Variants in FEZ1 observed in about 807,000 individuals in gnomAD.
FEZ1 encodes fasciculation and elongation protein zeta 1.
Under a neutral mutation model 49.3 loss-of-function variants are expected in FEZ1, and 20 were observed. The ratio of observed to expected loss-of-function variants is 0.41; its 90% CI spans 0.29 to 0.59. The LOEUF (loss-of-function observed/expected upper bound fraction) is 0.59. FEZ1 is among the 20% of genes least tolerant of loss of function. FEZ1 has a pLI of 0.36. For synonymous variants in FEZ1, 170 were observed against 180.9 expected (o/e 0.94, Z 0.48); for missense variants, 413 against 476.0 (o/e 0.87, Z 1.23).
intron 5 of FEZ1, among the ~76,000 whole-genome samples, chr11:125,458,523 T>C (rs1394619385): frequency 2.6e-5 from 4 of 152,138 alleles, no homozygotes; most frequent in Admixed American, 6.5e-5. Flanking sequence ...TAAGCACAAA[T>C]ACAAATTTTA....
chr11:125,481,585 G>T lies in FEZ1; in HGVS notation c.360C>A (p.Asp120Glu). The change falls in exon 3 of 10, where the codon GAC (aspartate) becomes GAA (glutamate). Residue 120 changes from aspartate (D) to glutamate (E), a missense_variant. Coordinates refer to ENST00000278919, the MANE Select transcript of FEZ1 (RefSeq NM_005103.5). ...GAGCCTCGATGTTTGGATCCCTCCA[G>T]TCTTCTGAGAGTGAAGGGATGTAAT... ...TDNYIPSLSE[D>E]WRDPNIEALN... is the part of the protein sequence containing the mutation. The T allele has an allele frequency of 6.2e-7, 1 of 1,613,378 alleles. No homozygotes were observed. Among genetic ancestry groups the T allele is most frequent in the South Asian group, 1.1e-5 (1 of 91,060 alleles).
At chr11:125,451,882 C>G (rs1196952032) in intron 8 of FEZ1, among the ~76,000 whole-genome samples, 2 of 152,208 alleles carry the variant, frequency 1.3e-5, no homozygotes, top group Non-Finnish European at 2.9e-5. Flanking sequence ...AGCCTTACCC[C>G]ACCCAAGAAA....
rs751242041 is a variant in FEZ1, at chr11:125,455,970, G to A, written c.804C>T (p.Asn268=). 1 of 1,613,530 alleles carries A rather than the reference G, an allele frequency of 6.2e-7. No homozygotes were observed. The highest frequency in any genetic ancestry group is 1.1e-5 in the South Asian group (1 of 91,022). The part of the protein sequence containing the change: ...DELEFEKEVK[N]SFITVLIEVQ... ...CCTCAATAAGCACCGTGATAAAGGAGTTCTTCACTTCCTTCTCAAACTCCA... is the reference window on the plus strand; with the variant it reads ...CCTCAATAAGCACCGTGATAAAGGAATTCTTCACTTCCTTCTCAAACTCCA... Residue 268 remains asparagine, a synonymous_variant, in exon 6 of 10, where the codon AAC becomes AAT. Transcript: ENST00000278919.
Position 125,442,897 on chromosome 11 carries a change from G to A in FEZ1, c.*3198C>T, listed in dbSNP as rs1333942200. On this transcript the variant is annotated 3_prime_UTR_variant, in exon 10 of 10. Transcript: ENST00000278919. ...ACTACAGGCGTGCACCACTACAGCT[G>A]GCTAATTTTTGTATTTTCAGTAGAG... Among the ~76,000 whole-genome samples, 2 of 151,912 alleles carry A rather than the reference G, an allele frequency of 1.3e-5. No homozygotes were observed. Among genetic ancestry groups the A allele is most frequent in the Non-Finnish European group, 2.9e-5 (2 of 67,976 alleles).
At chr11:125,455,766 G>T in intron 6 of FEZ1, 69 bp downstream of exon 6, 4 of 1,500,772 alleles carry the variant, frequency 2.7e-6, no homozygotes, top group Non-Finnish European at 3.7e-6. Flanking sequence ...CTGCAGGGTT[G>T]GTAGGGCACT....
intron 3 of FEZ1, among the ~76,000 whole-genome samples, chr11:125,476,997 G>C (rs1450073423): frequency 6.6e-6 from 1 of 152,068 alleles, no homozygotes; most frequent in Non-Finnish European, 1.5e-5. Flanking sequence ...CTGTGCAGCT[G>C]ATCTAGCGAA....
At chr11:125,461,578 G>T (rs12291904) in intron 4 of FEZ1, among the ~76,000 whole-genome samples, 1,702 of 152,286 alleles carry the variant, frequency 0.011, 29 homozygotes, top group African/African-American at 0.03. Context: ...CTGGACTCCA[G>T]CCTGGGCAAT....
At chr11:125,484,191 T>TA (rs1426152653) in intron 2 of FEZ1, among the ~76,000 whole-genome samples, 2 of 152,230 alleles carry the variant, frequency 1.3e-5, no homozygotes, top group Non-Finnish European at 2.9e-5. Context: ...GCTGAGCACT[T>TA]ACTATGAGCC....
Position 125,456,000 on chromosome 11 carries a change from G to A in FEZ1, c.774C>T (p.Asp258=), listed in dbSNP as rs756025764. 8.5e-5 allele frequency: 137 copies of A among 1,613,166 alleles called. No homozygotes were observed. The highest frequency in any genetic ancestry group is 1.6e-4 in the Middle Eastern group (1 of 6,082). The change falls in exon 6 of 10, where the codon GAC becomes GAT. Residue 258 remains aspartate, a synonymous_variant. Coordinates refer to ENST00000278919, the MANE Select transcript of FEZ1 (RefSeq NM_005103.5). ...TCACTTCCTTCTCAAACTCCAGCTC[G>A]TCCCGGCGGGCCAGCTGCTGCACCA... ...EELVQQLARR[D]ELEFEKEVKN...
intron 3 of FEZ1, among the ~76,000 whole-genome samples, chr11:125,473,765 G>T (rs1957202937): frequency 6.7e-6 from 1 of 148,498 alleles, no homozygotes; most frequent in South Asian, 2.1e-4. Context: ...GCTGCAGTGA[G>T]CCAATATTGA....
At chr11:125,450,603 C>A (rs766393061) in intron 8 of FEZ1, among the ~76,000 whole-genome samples, 2 of 151,858 alleles carry the variant, frequency 1.3e-5, no homozygotes, top group African/African-American at 4.8e-5. Flanking sequence ...TGAGGATCTG[C>A]CAAAAAAGAG....
At position 125,493,425 on chromosome 11, in the gene FEZ1, GGAAAGAAGGAA is replaced by G. The variant is rs1565307000; in HGVS notation, c.-46+2685_-46+2695del. 6.8e-4 allele frequency among the ~76,000 whole-genome samples: 24 copies of G among 35,112 alleles called. 1 individual carries two copies. The highest frequency in any genetic ancestry group is 3.6e-3 in the African/African-American group (23 of 6,356). The allele number at this position is 35,112 out of a possible 152,430, so 23.0% of individuals were successfully genotyped here. A position where few individuals can be genotyped will look rare whatever the true frequency, so the allele number is the denominator to read the frequency against. On this transcript the variant is annotated intron_variant, in intron 1 of 9. Transcript: ENST00000278919. ...AAGAAAGAAAGAAAGAAAGAAAGAA[GGAAAGAAGGAA>G]AGAAGGAAAGAAGGAAAGAAGGAAA...
At chr11:125,460,815 A>G in intron 4 of FEZ1, 149 bp from the exon 5 acceptor site, 1 of 619,186 alleles carries the variant, frequency 1.6e-6, no homozygotes, top group African/African-American at 1.8e-5. Context: ...AATAATAAAA[A>G]TAGTTCCAAC....
chr11:125,448,401 G>T, intron 9 of FEZ1, 101 bp downstream of exon 9: 1 of 753,180 alleles, frequency 1.3e-6, no homozygotes, highest in East Asian at 2.5e-5. Context: ...CCTGGCCCCT[G>T]CCTGGTCTGG....
rs1193858732 is a variant in FEZ1 at position 125,460,675 on chromosome 11, G to A, written c.499-9C>T. ...TCAATCTCCTCAATTACCTGAAGAAGGTACACGAGAGAGTGCTAACTCTGT... is the reference window on the plus strand; with the variant it reads ...TCAATCTCCTCAATTACCTGAAGAAAGTACACGAGAGAGTGCTAACTCTGT... On this transcript the variant is annotated splice_polypyrimidine_tract_variant and intron_variant, in intron 4 of 9. Coordinates refer to ENST00000278919, the MANE Select transcript of FEZ1 (RefSeq NM_005103.5). 6.2e-7 allele frequency: 1 copy of A among 1,612,564 alleles called. No homozygotes were observed. The highest frequency in any genetic ancestry group is 1.7e-5 in the Admixed American group (1 of 60,014).
At position 125,444,503 on chromosome 11, in the gene FEZ1, T is replaced by C. The variant is rs1956880343; in HGVS notation, c.*1592A>G. Among the ~76,000 whole-genome samples the C allele has an allele frequency of 6.6e-6, 1 of 151,908 alleles. No individual in the cohort carries two copies. The highest frequency in any genetic ancestry group is 2.1e-4 in the South Asian group (1 of 4,820). On this transcript the variant is annotated 3_prime_UTR_variant, in exon 10 of 10. Transcript: ENST00000278919. ...GGGAGGCTGAGGCAGGAGAATCACT[T>C]GAACGTGGGAGGCGGAGTTTGCGGC...
At chr11:125,475,068 A>G (rs1481266546) in intron 3 of FEZ1, among the ~76,000 whole-genome samples, 1 of 152,132 alleles carries the variant, frequency 6.6e-6, no homozygotes, top group African/African-American at 2.4e-5. Flanking sequence ...TCAGGAATTC[A>G]AGACCATCCT....
At position 125,489,963 on chromosome 11, in the gene FEZ1, G is replaced by T. The variant is rs565180398; in HGVS notation, c.-45-141C>A. 389 of 685,528 alleles carry T rather than the reference G, an allele frequency of 5.7e-4. No homozygotes were observed. The highest frequency in any genetic ancestry group is 6.1e-4 in the Non-Finnish European group (276 of 454,086). The allele number at this position is 685,528 out of a possible 1,614,324, so 42.5% of individuals were successfully genotyped here. ...AAGTACGAAGCTCCTGGACAAGATC[G>T]TCTAGGTTTGCATTCTGTTCTGTCC... is the stretch of plus-strand genomic sequence containing the variant. On this transcript the variant is annotated intron_variant, in intron 1 of 9. Coordinates refer to ENST00000278919, the MANE Select transcript of FEZ1 (RefSeq NM_005103.5). The surrounding 1 kb of genome is among the most constrained non-coding windows in gnomAD (Gnocchi z 4.2).
chr11:125,481,691 G>C, intron 2 of FEZ1, 58 bp from the exon 3 acceptor site: 1 of 1,202,608 alleles, frequency 8.3e-7, no homozygotes, highest in Non-Finnish European at 1.2e-6. Flanking sequence ...CCGCCTGGAG[G>C]AAGGAAGAGC....
Sources: allele counts gnomAD v4.1 joint callset (sites outside exome capture counted in the v4.1 genomes callset), GRCh38; gene constraint gnomAD v4.1.1; non-coding constraint Gnocchi (gnomAD v3.1); transcripts MANE v1.5; gene names NCBI Gene and HGNC (gene_info 2026-07-23, HGNC 2026-07-21).